The following ARHGAP24 variants were observed in gnomAD, a reference collection of about 807,000 sequenced individuals.
The protein encoded by ARHGAP24 is rho GTPase-activating protein 24.
ARHGAP24 carries 50 observed loss-of-function variants against 76.4 expected under a neutral mutation model. The ratio of observed to expected loss-of-function variants is 0.65; its 90% CI spans 0.52 to 0.83. ARHGAP24 has a LOEUF of 0.83. Among genes scored for constraint, ARHGAP24 ranks in the 40% least tolerant of loss-of-function variants. ARHGAP24 has a pLI of 0.00. For missense variants in ARHGAP24, 930 were observed against 914.2 expected (o/e 1.02, Z -0.22); for synonymous variants, 345 against 323.3 (o/e 1.07, Z -0.72).
At chr4:85,541,692 C>G (rs901931231) in intron 1 of ARHGAP24, among the ~76,000 whole-genome samples, 2 of 151,974 alleles carry the variant, frequency 1.3e-5, no homozygotes, top group African/African-American at 4.8e-5. Context: ...TGATAACAGG[C>G]TAGAAGTCAA....
chr4:85,916,438 C>T (rs1436059562), intron 3 of ARHGAP24, among the ~76,000 whole-genome samples: 3 of 151,960 alleles, frequency 2.0e-5, no homozygotes, highest in Non-Finnish European at 2.9e-5. Context: ...TGTTAATTTT[C>T]GACCAGGTGA....
At chr4:85,990,055 A>G (rs1208046093) in intron 8 of ARHGAP24, 3 of 151,778 alleles carry the variant, frequency 2.0e-5, no homozygotes, top group African/African-American at 7.2e-5. Flanking sequence ...ATTCTTTGTA[A>G]TCGACAAATA....
chr4:85,641,953 G>A (rs1721538159), intron 2 of ARHGAP24, among the ~76,000 whole-genome samples: 1 of 152,078 alleles, frequency 6.6e-6, no homozygotes, highest in South Asian at 2.1e-4. Flanking sequence ...GGACAAGAAG[G>A]GCGTGATCTA....
At chr4:85,814,215 A>T (rs1729139259) in intron 3 of ARHGAP24, among the ~76,000 whole-genome samples, 1 of 152,092 alleles carries the variant, frequency 6.6e-6, no homozygotes, top group African/African-American at 2.4e-5. Context: ...GAGCCAAACC[A>T]TATCATTCCA....
At chr4:85,519,971 A>G (rs1184179863) in intron 1 of ARHGAP24, among the ~76,000 whole-genome samples, 1 of 152,118 alleles carries the variant, frequency 6.6e-6, no homozygotes, top group Admixed American at 6.6e-5. Context: ...TACTTGTTCT[A>G]TCCCTTATTC....
intron 2 of ARHGAP24, among the ~76,000 whole-genome samples, chr4:85,672,162 T>C (rs188236845): frequency 6.6e-6 from 1 of 152,142 alleles, no homozygotes; most frequent in African/African-American, 2.4e-5. Context: ...CTCTTAAAAA[T>C]ACTTAGCCCT....
At chr4:85,475,663 CGGGGGGCGGGGAGGGGG>C (rs1722555996) in intron 1 of ARHGAP24, 104 bp downstream of exon 1, 2 of 20,556 alleles carry the variant, frequency 9.7e-5, no homozygotes, top group Non-Finnish European at 2.3e-4. Context: ...GAGGGGGCTG[CGGGGGGCGGGGAGGGGG>C]CTGCGGGGGG....
At chr4:85,918,908 C>T (rs797016004) in intron 3 of ARHGAP24, among the ~76,000 whole-genome samples, 17 of 151,958 alleles carry the variant, frequency 1.1e-4, no homozygotes, top group African/African-American at 3.4e-4. Flanking sequence ...TACTACTTTC[C>T]GACATGTGTT....
chr4:85,954,592 A>G (rs1180974723), intron 5 of ARHGAP24, among the ~76,000 whole-genome samples: 2 of 152,260 alleles, frequency 1.3e-5, no homozygotes, highest in African/African-American at 2.4e-5. Flanking sequence ...GGCAGCACAT[A>G]TACTAAAATT....
intron 1 of ARHGAP24, among the ~76,000 whole-genome samples, chr4:85,495,890 AAG>A (rs1723562997): frequency 6.6e-6 from 1 of 152,186 alleles, no homozygotes; most frequent in African/African-American, 2.4e-5. Flanking sequence ...TGGATAGTGA[AAG>A]AAAATTTTAA....
At chr4:85,550,301 G>C (rs987564406) in intron 1 of ARHGAP24, among the ~76,000 whole-genome samples, 1 of 152,188 alleles carries the variant, frequency 6.6e-6, no homozygotes, top group Admixed American at 6.5e-5. Flanking sequence ...ATTGAATAGG[G>C]AATTCTTTCC....
chr4:85,513,493 G>T (rs1183895041), intron 1 of ARHGAP24, among the ~76,000 whole-genome samples: 2 of 151,904 alleles, frequency 1.3e-5, no homozygotes, highest in African/African-American at 4.8e-5. Flanking sequence ...TTCTTTGTGT[G>T]TAATTTTCAA....
intron 3 of ARHGAP24, among the ~76,000 whole-genome samples, chr4:85,747,181 C>T (rs552516250): frequency 2.0e-5 from 3 of 152,236 alleles, no homozygotes; most frequent in Non-Finnish European, 4.4e-5. Flanking sequence ...TAAGCTCTTT[C>T]ATTTTTTGCT....
chr4:85,883,408 G>A (rs1202282200), intron 3 of ARHGAP24, among the ~76,000 whole-genome samples: 7 of 152,138 alleles, frequency 4.6e-5, no homozygotes, highest in African/African-American at 9.7e-5. Flanking sequence ...TGATTCTAGT[G>A]TGCGGCTTAG....
chr4:85,658,513 A>C (rs1722262399), intron 2 of ARHGAP24, among the ~76,000 whole-genome samples: 1 of 152,182 alleles, frequency 6.6e-6, no homozygotes, highest in South Asian at 2.1e-4. Context: ...CTTATACTGA[A>C]ATTCTGCTCT....
chr4:85,905,291 G>A (rs538970227), intron 3 of ARHGAP24, among the ~76,000 whole-genome samples: 1 of 151,956 alleles, frequency 6.6e-6, no homozygotes. Context: ...TAAGTCATAC[G>A]GGCTAGCCAG....
intron 2 of ARHGAP24, among the ~76,000 whole-genome samples, chr4:85,594,502 A>G (rs369185954): frequency 6.6e-6 from 1 of 152,080 alleles, no homozygotes; most frequent in East Asian, 1.9e-4. Flanking sequence ...TTCACAACAT[A>G]GCATTCTATT....
intron 5 of ARHGAP24, among the ~76,000 whole-genome samples, chr4:85,967,673 A>G (rs1459332792): frequency 6.6e-6 from 1 of 152,158 alleles, no homozygotes; most frequent in African/African-American, 2.4e-5. Flanking sequence ...ACCACTGGAT[A>G]TAATGTGCTT....
At chr4:85,696,115 A>T (rs530553181) in intron 2 of ARHGAP24, among the ~76,000 whole-genome samples, 1 of 152,214 alleles carries the variant, frequency 6.6e-6, no homozygotes, top group East Asian at 1.9e-4. Flanking sequence ...CTCATTTAGG[A>T]TCCAACAGCT....
Sources: gnomAD v4.1 joint callset for allele counts (sites outside exome capture counted in the v4.1 genomes callset) on GRCh38, gnomAD v4.1.1 for gene constraint, MANE v1.5 for transcripts, NCBI Gene and HGNC (gene_info 2026-07-23, HGNC 2026-07-21) for gene names.